The following TMEM177 variants were observed in gnomAD, a reference collection of about 807,000 sequenced individuals.
TMEM177 encodes transmembrane protein 177.
Under a neutral mutation model 14.2 loss-of-function variants are expected in TMEM177, and 4 were observed. The observed-to-expected ratio is 0.28, with a 90% confidence interval of 0.14 to 0.64. The LOEUF (loss-of-function observed/expected upper bound fraction) is 0.64, where lower values mean the gene tolerates loss of function less well. Ranked by LOEUF, TMEM177 falls within the 30% of genes least tolerant of loss-of-function variation. The pLI, the probability that TMEM177 is intolerant of heterozygous loss-of-function variation, is 0.82. For missense variants in TMEM177, 344 were observed against 405.2 expected, an observed-to-expected ratio of 0.85 and a Z score of 1.30; for synonymous variants, 179 against 174.5, an observed-to-expected ratio of 1.03 and a Z score of -0.20.
downstream of TMEM177, among the ~76,000 whole-genome samples, chr2:119,683,781 C>T (rs144953880): frequency 3.0e-4 from 46 of 151,698 alleles, no homozygotes; most frequent in Non-Finnish European, 5.0e-4. Context: ...TGTGTGTGCG[C>T]GTGCATTGCT....
At chr2:119,718,932 G>A in the TMEM177 span, among the ~76,000 whole-genome samples, 2 of 152,136 alleles carry the variant, frequency 1.3e-5, no homozygotes, top group South Asian at 2.1e-4. Flanking sequence ...GAACTTTAAC[G>A]TGTGAGTGTA....
chr2:119,695,188 G>C, the TMEM177 span, among the ~76,000 whole-genome samples: 2 of 152,198 alleles, frequency 1.3e-5, no homozygotes, highest in Admixed American at 1.3e-4. Flanking sequence ...TAAGCTCAAC[G>C]AAGGTGACAG....
chr2:119,681,227 A>C lies in TMEM177; in HGVS notation c.374A>C (p.His125Pro), dbSNP rs781203749. The C allele has an allele frequency of 3.7e-6, 6 of 1,614,238 alleles. No homozygotes were observed. Among genetic ancestry groups the C allele is most frequent in the Non-Finnish European group, 5.1e-6 (6 of 1,180,028 alleles). Residue 125 changes from histidine to proline, a missense_variant, in exon 2 of 2, where the codon CAT becomes CCT. His to Pro is a moderately conservative substitution (Grantham distance 77). Coordinates refer to ENST00000272521, the MANE Select transcript of TMEM177 (RefSeq NM_030577.3). ...AACACTAACCATCCCGTGGTCATAC[A>C]TGGGCATACAGTGGACTGGCGGAGC... is the stretch of plus-strand genomic sequence containing the variant. ...VINTNHPVVI[H>P]GHTVDWRSPA...
the TMEM177 span, among the ~76,000 whole-genome samples, chr2:119,700,306 G>A: frequency 6.6e-5 from 10 of 152,194 alleles, no homozygotes; most frequent in African/African-American, 2.4e-4. Context: ...CTGCAGGCCA[G>A]TGACTTTCAA....
chr2:119,709,974 C>T, the TMEM177 span, among the ~76,000 whole-genome samples: 1 of 151,946 alleles, frequency 6.6e-6, no homozygotes, highest in Non-Finnish European at 1.5e-5. Flanking sequence ...GATTGGTGGC[C>T]GCCGGGGACT....
the TMEM177 span, among the ~76,000 whole-genome samples, chr2:119,721,075 G>A: frequency 6.6e-6 from 1 of 152,220 alleles, no homozygotes; most frequent in Admixed American, 6.5e-5. Context: ...CCAGGGGATA[G>A]GAGTGTTTTT....
At chr2:119,723,437 T>C in the TMEM177 span, among the ~76,000 whole-genome samples, 152 of 152,302 alleles carry the variant, frequency 1.0e-3, no homozygotes, top group African/African-American at 3.4e-3. Flanking sequence ...ATTCCCCCCA[T>C]AGCTTTGCTT....
At chr2:119,710,408 G>T in the TMEM177 span, among the ~76,000 whole-genome samples, 2 of 152,184 alleles carry the variant, frequency 1.3e-5, no homozygotes, top group African/African-American at 4.8e-5. Flanking sequence ...GGGCAGGATG[G>T]AGGAGTCTGC....
At chr2:119,703,220 CT>C in the TMEM177 span, among the ~76,000 whole-genome samples, 1 of 152,218 alleles carries the variant, frequency 6.6e-6, no homozygotes, top group African/African-American at 2.4e-5. Flanking sequence ...TAGAACAGTT[CT>C]TTTGGGTGCT....
At chr2:119,715,910 C>A in the TMEM177 span, among the ~76,000 whole-genome samples, 1 of 152,308 alleles carries the variant, frequency 6.6e-6, no homozygotes, top group South Asian at 2.1e-4. Context: ...AACCCCGCGT[C>A]AGAGGGGAGG....
In TMEM177 at chr2:119,681,973, AG is replaced by A; in HGVS notation, c.*188del. On this transcript the variant is annotated 3_prime_UTR_variant, in exon 2 of 2. Transcript: ENST00000272521. ...ACTCAGGGACTATGAGGGACTATTC[AG>A]GGGCTATGAATCTGAGCCTTTGTTT... 1 of 603,932 alleles carries A rather than the reference AG, an allele frequency of 1.7e-6. No homozygotes were observed. The highest frequency in any genetic ancestry group is 3.0e-6 in the Non-Finnish European group (1 of 336,948). The allele number at this position is 603,932 out of a possible 1,614,324, so 37.4% of individuals were successfully genotyped here. A position where few individuals can be genotyped will look rare whatever the true frequency, so the allele number is the denominator to read the frequency against.
chr2:119,702,454 CAA>C, the TMEM177 span, among the ~76,000 whole-genome samples: 33 of 152,226 alleles, frequency 2.2e-4, no homozygotes, highest in Admixed American at 6.5e-4. Context: ...GGACAGATGA[CAA>C]AGAGGATTGG....
chr2:119,710,491 G>A, the TMEM177 span, among the ~76,000 whole-genome samples: 16 of 152,158 alleles, frequency 1.1e-4, no homozygotes, highest in African/African-American at 2.7e-4. Flanking sequence ...CCTGTCTACC[G>A]GCATTGCCCC....
downstream of TMEM177, among the ~76,000 whole-genome samples, chr2:119,683,077 A>C (rs10183197): frequency 0.96 from 146,469 of 152,322 alleles, 70,487 homozygotes; most frequent in East Asian, 1. Flanking sequence ...CTGGGAAAGT[A>C]TTTGAACACA....
chr2:119,700,656 A>G, the TMEM177 span, among the ~76,000 whole-genome samples: 1 of 152,150 alleles, frequency 6.6e-6, no homozygotes, highest in Non-Finnish European at 1.5e-5. Flanking sequence ...AAAGGCCATG[A>G]TCTTTTCTCT....
chr2:119,713,874 G>A, the TMEM177 span, among the ~76,000 whole-genome samples: 1 of 152,198 alleles, frequency 6.6e-6, no homozygotes, highest in African/African-American at 2.4e-5. Flanking sequence ...CAGTCAAGGA[G>A]CCTGCTCTAC....
chr2:119,699,862 A>G, the TMEM177 span: 1 of 422,854 alleles, frequency 2.4e-6, no homozygotes. Flanking sequence ...GTCCAAAAAG[A>G]GTGCTGAGTT....
chr2:119,701,108 C>A, the TMEM177 span, among the ~76,000 whole-genome samples: 3 of 152,328 alleles, frequency 2.0e-5, no homozygotes, highest in East Asian at 5.8e-4. Context: ...ATTCCTCCCC[C>A]ATCCCTCCCA....
chr2:119,687,600 T>C (rs558124818), downstream of TMEM177, among the ~76,000 whole-genome samples: 10 of 152,196 alleles, frequency 6.6e-5, no homozygotes, highest in East Asian at 1.7e-3. Flanking sequence ...ATCCCCATGA[T>C]TCAGTTACCT....
Sources: allele counts gnomAD v4.1 joint callset (sites outside exome capture counted in the v4.1 genomes callset), GRCh38; gene constraint gnomAD v4.1.1; transcripts MANE v1.5; gene names NCBI Gene and HGNC (gene_info 2026-07-23, HGNC 2026-07-21).